The following CMC4 variants were observed in gnomAD, a reference collection of about 807,000 sequenced individuals.
CMC4 encodes C-X9-C motif containing 4.
Under a neutral mutation model 5.1 loss-of-function variants are expected in CMC4, and 4 were observed. The observed-to-expected ratio is 0.78, with a 90% CI of 0.38 to 1.78. The LOEUF is 1.78. Ranked by LOEUF, CMC4 falls within the 40% of genes most tolerant of loss-of-function variation. The pLI, the probability that CMC4 is intolerant of heterozygous loss-of-function variation, is 0.04. For missense variants in CMC4, 52 were observed against 51.3 expected, an observed-to-expected ratio of 1.01 and a Z score of -0.04; for synonymous variants, 23 against 18.9, an observed-to-expected ratio of 1.22 and a Z score of -0.57.
chrX:155,066,439 C>T, intron 1 of CMC4, among the ~76,000 whole-genome samples: 2 of 112,125 alleles, frequency 1.8e-5, no homozygotes. Context: ...CTTATTTTGG[C>T]AGGAAGGCAG....
intron 1 of CMC4, among the ~76,000 whole-genome samples, chrX:155,067,074 G>A (rs186010084): frequency 1.6e-4 from 18 of 111,667 alleles, no homozygotes; most frequent in Non-Finnish European, 3.2e-4. Flanking sequence ...GTATAGATAC[G>A]GCACTGGGGA....
At chrX:155,065,369 A>G (rs2073944184) in intron 1 of CMC4, 1 of 672,013 alleles carries the variant, frequency 1.5e-6, no homozygotes. Flanking sequence ...TGAACAGAAC[A>G]AAGGAGCATA....
intron 1 of CMC4, chrX:155,065,555 G>A: frequency 8.3e-7 from 1 of 1,210,113 alleles, no homozygotes; most frequent in Non-Finnish European, 1.1e-6. Flanking sequence ...AAAAAGAAAA[G>A]TTTATGGAGT....
In CMC4 at chrX:155,061,913, C is replaced by A. The variant is rs2073929551; in HGVS notation, c.137G>T (p.Arg46Ile). 4 of 1,211,696 alleles carry A rather than the reference C, an allele frequency of 3.3e-6. No homozygotes were observed. Among genetic ancestry groups the A allele is most frequent in the Non-Finnish European group, 4.5e-6 (4 of 895,372 alleles). The change falls in exon 3 of 3, where the codon AGA (arginine) becomes ATA (isoleucine). Residue 46 changes from arginine (R) to isoleucine (I), a missense_variant. Arg to Ile is a moderately conservative substitution (Grantham distance 97). Transcript: ENST00000369484. ...TTCAAATCCTGAACAGACGACAGAT[C>A]TTCCCTTGGGATACTGAGCACAACA... Reference protein sequence around the residue: ...RKCCAQYPKGRSVVCSGFEKE... With the variant: ...RKCCAQYPKGISVVCSGFEKE...
intron 1 of CMC4, among the ~76,000 whole-genome samples, chrX:155,069,073 T>C (rs1036783240): frequency 8.9e-6 from 1 of 112,725 alleles, no homozygotes; most frequent in Non-Finnish European, 1.9e-5. Context: ...AGTAAGGCAT[T>C]TTGTAAATTA....
chrX:155,061,714 T>C lies in CMC4; in HGVS notation c.*129A>G. ...TGTTTATATTTCTGCCTGTTCTGCA[T>C]AGATGGCATATTCATTAACTTTTGT... On this transcript the variant is annotated 3_prime_UTR_variant, in exon 3 of 3. Coordinates refer to ENST00000369484, the MANE Select transcript of CMC4 (RefSeq NM_001018024.3). The C allele has an allele frequency of 1.4e-6, 1 of 704,679 alleles. No individual in the cohort carries two copies. The highest frequency in any genetic ancestry group is 2.1e-6 in the Non-Finnish European group (1 of 474,116). The allele number at this position is 704,679 out of a possible 1,213,427, so 58.1% of individuals were successfully genotyped here.
intron 1 of CMC4, chrX:155,065,311 C>G (rs1461536560): frequency 2.1e-6 from 1 of 468,990 alleles, no homozygotes; most frequent in Non-Finnish European, 3.7e-6. Context: ...TCCCCCCAGG[C>G]CCAAGGGTGG....
chrX:155,064,091 T>A, intron 1 of CMC4, 58 bp from the exon 2 acceptor site: 1 of 977,085 alleles, frequency 1.0e-6, no homozygotes, highest in Non-Finnish European at 1.4e-6. Context: ...TTAAAGCCCC[T>A]CTACGTGGAA....
chrX:155,065,676 C>T (rs1239568387), intron 1 of CMC4: 14 of 1,209,756 alleles, frequency 1.2e-5, no homozygotes, highest in Admixed American at 2.2e-5. Context: ...AGCGCTCCTC[C>T]GGGTAGAGTT....
rs782641293 is a variant in CMC4 at position 155,071,058 on chromosome X, C to T, written c.-375G>A. The T allele has an allele frequency of 8.9e-6, 1 of 112,570 alleles. No individual in the cohort carries two copies. Among genetic ancestry groups the T allele is most frequent in the African/African-American group, 3.2e-5 (1 of 31,225 alleles). 9.3% of individuals were successfully genotyped at this position (112,570 alleles called of 1,213,427 possible). A position where few individuals can be genotyped will look rare whatever the true frequency, so the allele number is the denominator to read the frequency against. Reference sequence around the variant, plus strand: ...CCAAGCGTGTAGGCCGCGCACGGGTCTCCTTAGCGGGCGGGCAAAATGGGC... The same window carrying T: ...CCAAGCGTGTAGGCCGCGCACGGGTTTCCTTAGCGGGCGGGCAAAATGGGC... On this transcript the variant is annotated 5_prime_UTR_variant, in exon 1 of 3. Transcript: ENST00000369484.
chrX:155,063,621 A>C (rs2073936582), intron 2 of CMC4, among the ~76,000 whole-genome samples: 1 of 112,098 alleles, frequency 8.9e-6, no homozygotes, highest in Non-Finnish European at 1.9e-5. Context: ...TGTCAGCTGC[A>C]GTGAAGTATA....
chrX:155,063,874 A>T, intron 2 of CMC4, 92 bp downstream of exon 2: 4 of 675,293 alleles, frequency 5.9e-6, no homozygotes, highest in Non-Finnish European at 9.0e-6. Context: ...TTACATTCTT[A>T]AAAAAGAGTT....
Position 155,063,827 on chromosome X carries a change from T to C in CMC4, c.58+139A>G, listed in dbSNP as rs781841351. 7.9e-6 allele frequency: 4 copies of C among 507,538 alleles called. No homozygotes were observed. In the South Asian group the frequency reaches 1.5e-4, roughly 19 times the overall value. 41.8% of individuals were successfully genotyped at this position (507,538 alleles called of 1,213,427 possible). A position where few individuals can be genotyped will look rare whatever the true frequency, so the allele number is the denominator to read the frequency against. On this transcript the variant is annotated intron_variant, in intron 2 of 2. Transcript: ENST00000369484. ...TTTTTATTTTCTGCATCTTTGATGA[T>C]ACAATGAAGAGAATCTTCAGGATAA...
intron 1 of CMC4, chrX:155,066,175 T>C: frequency 2.3e-6 from 1 of 430,983 alleles, no homozygotes; most frequent in East Asian, 3.8e-5. Context: ...ATATGTCTAT[T>C]TGCACAACCT....
chrX:155,063,106 G>C (rs1202124391), intron 2 of CMC4, among the ~76,000 whole-genome samples: 2 of 111,986 alleles, frequency 1.8e-5, no homozygotes, highest in Non-Finnish European at 3.8e-5. Flanking sequence ...TAAAGTTGGA[G>C]GGAAGAAGTT....
intron 2 of CMC4, among the ~76,000 whole-genome samples, chrX:155,063,416 T>C (rs1468465019): frequency 3.6e-5 from 4 of 112,513 alleles, no homozygotes; most frequent in Non-Finnish European, 7.5e-5. Context: ...CTGGCAACAG[T>C]CATTCACTGA....
At chrX:155,065,634 T>G in intron 1 of CMC4, 1 of 1,211,576 alleles carries the variant, frequency 8.3e-7, no homozygotes, top group Non-Finnish European at 1.1e-6. Flanking sequence ...AATGATGCTG[T>G]ATCTGCCACA....
intron 1 of CMC4, chrX:155,065,942 G>A: frequency 8.3e-7 from 1 of 1,211,633 alleles, no homozygotes; most frequent in Non-Finnish European, 1.1e-6. Context: ...GCTGGTATTC[G>A]TCGCGGTAGA....
intron 1 of CMC4, chrX:155,065,606 G>C: frequency 8.3e-7 from 1 of 1,210,008 alleles, no homozygotes; most frequent in Non-Finnish European, 1.1e-6. Flanking sequence ...AAATAATTAA[G>C]CAACATGTGT....
Sources: allele counts gnomAD v4.1 joint callset (sites outside exome capture counted in the v4.1 genomes callset), GRCh38; gene constraint gnomAD v4.1.1; transcripts MANE v1.5; gene names NCBI Gene and HGNC (gene_info 2026-07-23, HGNC 2026-07-21).